Variants in CDCA7L observed in about 807,000 individuals in gnomAD.
The protein encoded by CDCA7L is cell division cycle-associated 7-like protein.
Under a neutral mutation model 57.4 loss-of-function variants are expected in CDCA7L, and 44 were observed. That is an observed-to-expected ratio of 0.77 (90% CI 0.60 to 0.98). The LOEUF is 0.98. Ranked by LOEUF, CDCA7L falls within the 50% of genes least tolerant of loss-of-function variation. CDCA7L has a pLI of 0.00. For missense variants in CDCA7L, 644 were observed against 580.6 expected (o/e 1.11, Z -1.12); for synonymous variants, 236 against 202.8 (o/e 1.16, Z -1.39).
intron 1 of CDCA7L, among the ~76,000 whole-genome samples, chr7:21,930,566 G>A (rs980811854): frequency 1.4e-4 from 21 of 151,722 alleles, no homozygotes; most frequent in Non-Finnish European, 2.2e-4. Context: ...GCGTGGTGGC[G>A]GGTGCCTGTA....
rs202022838 is a variant in CDCA7L, at chr7:21,901,304, C to CT, written c.*1017dup. On this transcript the variant is annotated 3_prime_UTR_variant, in exon 10 of 10. Transcript: ENST00000406877. ...TCTGCTGGAGTGCAGTGAGGATTTT[C>CT]TAGCATGTTGCTGCACTGTTCCCAT... The CT allele has an allele frequency of 5.0e-5, 77 of 1,549,270 alleles. No individual in the cohort carries two copies. Among genetic ancestry groups the CT allele is most frequent in the South Asian group, 3.5e-4 (28 of 78,954 alleles).
chr7:21,914,920 G>A (rs868242014), intron 2 of CDCA7L, among the ~76,000 whole-genome samples: 3 of 152,172 alleles, frequency 2.0e-5, no homozygotes, highest in Admixed American at 6.5e-5. Context: ...CTTAATGCCC[G>A]GTGCCTGCCA....
rs1785049269 is a variant in CDCA7L at position 21,904,109 on chromosome 7, C to T, written c.1197+1G>A. 7 of 1,593,766 alleles carry T rather than the reference C, an allele frequency of 4.4e-6. No homozygotes were observed. On this transcript the variant is annotated splice_donor_variant, in intron 8 of 9. Transcript: ENST00000406877. LOFTEE classifies it high-confidence loss of function. ...ACAACAAATGCAAACACTGTTCCTA[C>T]CGGGTCCAGCAATGCCGATCTGACA...
intron 7 of CDCA7L, 67 bp from the exon 8 acceptor site, chr7:21,904,326 A>G: frequency 7.0e-7 from 1 of 1,423,308 alleles, no homozygotes; most frequent in Non-Finnish European, 9.4e-7. Flanking sequence ...GCCAGATGCC[A>G]CCATGTGCAT....
intron 1 of CDCA7L, among the ~76,000 whole-genome samples, chr7:21,938,721 G>T (rs774439642): frequency 6.6e-6 from 1 of 152,162 alleles, no homozygotes; most frequent in Non-Finnish European, 1.5e-5. Flanking sequence ...TAAAAGAAAT[G>T]ACGTCAGGCA....
In CDCA7L at chr7:21,901,444, A is replaced by G; in HGVS notation, c.*878T>C. The G allele has an allele frequency of 1.4e-6, 1 of 708,130 alleles. No individual in the cohort carries two copies. Among genetic ancestry groups the G allele is most frequent in the Non-Finnish European group, 2.0e-6 (1 of 502,774 alleles). 43.9% of individuals were successfully genotyped at this position (708,130 alleles called of 1,614,324 possible). On this transcript the variant is annotated 3_prime_UTR_variant, in exon 10 of 10. Coordinates refer to ENST00000406877, the MANE Select transcript of CDCA7L (RefSeq NM_018719.5). ...CTAACTCAGGGCTGAGCGTGGTGGC[A>G]CACGACTGTAATCCCAGTTACTCAG...
At chr7:21,922,976 G>C (rs996689790) in intron 1 of CDCA7L, among the ~76,000 whole-genome samples, 7 of 152,112 alleles carry the variant, frequency 4.6e-5, no homozygotes, top group African/African-American at 1.7e-4. Flanking sequence ...TTGAATCCTC[G>C]GAGACAGCAG....
chr7:21,919,683 G>A (rs114002900), intron 1 of CDCA7L, among the ~76,000 whole-genome samples: 6 of 151,940 alleles, frequency 3.9e-5, no homozygotes, highest in Admixed American at 1.3e-4. Flanking sequence ...TCTCACATTA[G>A]CATCGCCGTT....
In CDCA7L at chr7:21,908,182, C is replaced by G. The variant is rs1289023037; in HGVS notation, c.629G>C (p.Ser210Thr). The stretch of plus-strand genomic sequence containing the variant: ...GGTCCTTTTCAGCAAAGCATCTGAA[C>G]TCTCCTGGCTCTCATCCCGAGAGTC... ...EDDSRDESQE[S>T]SDALLKRTMN... The change falls in exon 4 of 10, where the codon AGT (serine) becomes ACT (threonine). Residue 210 changes from serine to threonine, a missense_variant. Physicochemically the swap from Ser to Thr is moderately conservative, Grantham distance 58. Transcript: ENST00000406877. 3 of 1,595,904 alleles carry G rather than the reference C, an allele frequency of 1.9e-6. No homozygotes were observed. Among genetic ancestry groups the G allele is most frequent in the Non-Finnish European group, 2.6e-6 (3 of 1,175,780 alleles).
chr7:21,927,010 C>T (rs1000990276), intron 1 of CDCA7L, among the ~76,000 whole-genome samples: 1 of 152,186 alleles, frequency 6.6e-6, no homozygotes, highest in African/African-American at 2.4e-5. Context: ...AGGGTCAGAA[C>T]ATACCCAGCC....
In CDCA7L at chr7:21,901,332, A is replaced by ACAT; in HGVS notation, c.*987_*989dup. 2 of 1,420,020 alleles carry ACAT rather than the reference A, an allele frequency of 1.4e-6. No homozygotes were observed. The allele number at this position is 1,420,020 out of a possible 1,614,324, so 88.0% of individuals were successfully genotyped here. A position where few individuals can be genotyped will look rare whatever the true frequency, so the allele number is the denominator to read the frequency against. ...GCATGTTGCTGCACTGTTCCCATGC[A>ACAT]CATTATTCTAACTTTTTAGTAACTC... On this transcript the variant is annotated 3_prime_UTR_variant, in exon 10 of 10. Transcript: ENST00000406877.
chr7:21,902,524 G>A lies in CDCA7L; in HGVS notation c.1335-172C>T, dbSNP rs77298168. 4,059 of 635,482 alleles carry A rather than the reference G, an allele frequency of 6.4e-3. 115 individuals are homozygous for A. In the African/African-American group the frequency reaches 0.064, roughly 10 times the overall value. 39.4% of individuals were successfully genotyped at this position (635,482 alleles called of 1,614,324 possible). A position where few individuals can be genotyped will look rare whatever the true frequency, so the allele number is the denominator to read the frequency against. On this transcript the variant is annotated intron_variant, in intron 9 of 9. Coordinates refer to ENST00000406877, the MANE Select transcript of CDCA7L (RefSeq NM_018719.5). ...ATCCGTATACCCTCTGGTGTAGTAC[G>A]CCCCAAGCATGACTTGCCTCACTCC...
At chr7:21,934,707 G>A (rs1189487165) in intron 1 of CDCA7L, among the ~76,000 whole-genome samples, 4 of 151,958 alleles carry the variant, frequency 2.6e-5, no homozygotes, top group Non-Finnish European at 5.9e-5. Context: ...GACACCAATA[G>A]GTTAAAAGTA....
intron 1 of CDCA7L, among the ~76,000 whole-genome samples, chr7:21,941,103 T>G (rs1435526153): frequency 6.6e-6 from 1 of 152,122 alleles, no homozygotes; most frequent in Non-Finnish European, 1.5e-5. Context: ...ATTCCCTTTA[T>G]GAGATATTAA....
rs1276291203 is a variant in CDCA7L at position 21,901,914 on chromosome 7, TCACTCGTGCTAAGGCA to T, written c.*392_*407del. Reference sequence around the variant, plus strand: ...ATGTGTGTGGTCTATTAAACTGTGGTCACTCGTGCTAAGGCACACTTGGCCTGGAGTGAGTTACTGT... The same window carrying T: ...ATGTGTGTGGTCTATTAAACTGTGGTCACTTGGCCTGGAGTGAGTTACTGT... On this transcript the variant is annotated 3_prime_UTR_variant, in exon 10 of 10. Transcript: ENST00000406877. The T allele has an allele frequency of 2.3e-5, 5 of 219,138 alleles. No homozygotes were observed. The highest frequency in any genetic ancestry group is 1.1e-4 in the African/African-American group (5 of 44,106). The allele number at this position is 219,138 out of a possible 1,614,324, so 13.6% of individuals were successfully genotyped here.
At chr7:21,926,133 G>C (rs893704585) in intron 1 of CDCA7L, among the ~76,000 whole-genome samples, 2 of 152,162 alleles carry the variant, frequency 1.3e-5, no homozygotes, top group African/African-American at 4.8e-5. Flanking sequence ...AAGGCATGTA[G>C]CTTGTTAGTG....
At chr7:21,936,539 T>C (rs1413967384) in intron 1 of CDCA7L, among the ~76,000 whole-genome samples, 1 of 151,894 alleles carries the variant, frequency 6.6e-6, no homozygotes, top group Non-Finnish European at 1.5e-5. Context: ...ATTAATGTAG[T>C]ACACCCTATG....
Position 21,901,130 on chromosome 7 carries a change from A to ACGAGTGCCCTGTGTATAGAAC in CDCA7L, c.*1171_*1191dup. 3 of 1,613,330 alleles carry ACGAGTGCCCTGTGTATAGAAC rather than the reference A, an allele frequency of 1.9e-6. No individual in the cohort carries two copies. The highest frequency in any genetic ancestry group is 1.7e-6 in the Non-Finnish European group (2 of 1,179,426). ...GACAGACAAGAAACCAAACAGACCT[A>ACGAGTGCCCTGTGTATAGAAC]CGAGTGCCCTGTGTATAGAACCAAA... On this transcript the variant is annotated 3_prime_UTR_variant, in exon 10 of 10. Transcript: ENST00000406877.
At chr7:21,910,033 A>G (rs1279492550) in intron 3 of CDCA7L, among the ~76,000 whole-genome samples, 1 of 152,198 alleles carries the variant, frequency 6.6e-6, no homozygotes, top group African/African-American at 2.4e-5. Context: ...AAAATTTGCA[A>G]GGGCCTGTGC....
Sources: gnomAD v4.1 joint callset for allele counts (sites outside exome capture counted in the v4.1 genomes callset) on GRCh38, gnomAD v4.1.1 for gene constraint, MANE v1.5 for transcripts, NCBI Gene and HGNC (gene_info 2026-07-23, HGNC 2026-07-21) for gene names.